DSCAML1: variants seen among roughly 807,000 people sequenced by gnomAD.
DSCAML1 encodes cell adhesion molecule DSCAML1.
Under a neutral mutation model 200.5 loss-of-function variants are expected in DSCAML1, and 38 were observed. That is an observed-to-expected ratio of 0.19 (90% CI 0.15 to 0.25). DSCAML1 has a LOEUF of 0.25. Ranked by LOEUF, DSCAML1 falls within the 10% of genes least tolerant of loss-of-function variation. DSCAML1 has a pLI of 1.00. For synonymous variants in DSCAML1, 1,215 were observed against 1,165.0 expected, an observed-to-expected ratio of 1.04 and a Z score of -0.87; for missense variants, 2,223 against 2,858.8, an observed-to-expected ratio of 0.78 and a Z score of 5.07.
At position 117,482,164 on chromosome 11, in the gene DSCAML1, TG is replaced by T. The variant is rs746889051; in HGVS notation, c.2360-3del. On this transcript the variant is annotated splice_polypyrimidine_tract_variant and splice_region_variant and intron_variant, in intron 11 of 32. Coordinates refer to ENST00000651296, the MANE Select transcript of DSCAML1 (RefSeq NM_020693.4). ...GGTGGGAAGTGATCATGGCCGGGAC[TG>T]GGGGGCGGAGGCAGAGAAGGCCCAG... 1.1e-5 allele frequency: 18 copies of T among 1,613,914 alleles called. No individual in the cohort carries two copies. Among genetic ancestry groups the T allele is most frequent in the Non-Finnish European group, 1.5e-5 (18 of 1,179,930 alleles).
Position 117,438,968 on chromosome 11 carries a change from G to T in DSCAML1, c.4160C>A (p.Pro1387His), listed in dbSNP as rs1263010236. Residue 1387 changes from proline (P) to histidine (H), a missense_variant, in exon 24 of 33, where the codon CCC (proline) becomes CAC (histidine). Physicochemically the swap from Pro to His is moderately conservative, Grantham distance 77. Transcript: ENST00000651296. ...NLLVQVPPDQ[P>H]RLTVSKTSAS... ...TGAGGTTTTGGAGACAGTGAGGCGG[G>T]GCTGGTCCGGGGGAACTGTGAGGGG... 6.2e-7 allele frequency: 1 copy of T among 1,606,824 alleles called. No homozygotes were observed. Among genetic ancestry groups the T allele is most frequent in the Non-Finnish European group, 8.5e-7 (1 of 1,177,530 alleles).
intron 2 of DSCAML1, among the ~76,000 whole-genome samples, chr11:117,779,171 T>C (rs955947258): frequency 6.6e-6 from 1 of 152,214 alleles, no homozygotes; most frequent in Non-Finnish European, 1.5e-5. Context: ...TGGTGTGACC[T>C]AGGCCTGGCA....
chr11:117,671,325 C>T (rs550160142), intron 3 of DSCAML1, among the ~76,000 whole-genome samples: 3 of 152,336 alleles, frequency 2.0e-5, no homozygotes, highest in Non-Finnish European at 2.9e-5. Flanking sequence ...TATTCTGGTA[C>T]CCTCAGTTAA....
intron 3 of DSCAML1, among the ~76,000 whole-genome samples, chr11:117,614,343 C>A (rs1435591042): frequency 6.6e-6 from 1 of 152,162 alleles, no homozygotes; most frequent in Non-Finnish European, 1.5e-5. Flanking sequence ...ATATACACCA[C>A]TGGTTCTTAA....
Position 117,780,189 on chromosome 11 carries a change from A to AAG in DSCAML1, c.364+302_364+303dup, listed in dbSNP as rs879776752. ...AAAGAAAGAAAAAAAGAAAAAAAGA[A>AAG]AGAAAGAAAGAGAAAGAAAGAGAGA... is the stretch of plus-strand genomic sequence containing the variant. On this transcript the variant is annotated intron_variant, in intron 2 of 32. Transcript: ENST00000651296. The surrounding 1 kb of genome is among the most constrained non-coding windows in gnomAD (Gnocchi z 4.8). Among the ~76,000 whole-genome samples, 3,742 of 96,056 alleles carry AAG rather than the reference A, an allele frequency of 0.039. 247 individuals carry two copies. Among genetic ancestry groups the AAG allele is most frequent in the Middle Eastern group, 0.052 (10 of 192 alleles). 63.0% of individuals were successfully genotyped at this position (96,056 alleles called of 152,430 possible).
At chr11:117,623,528 C>T (rs2051982592) in intron 3 of DSCAML1, among the ~76,000 whole-genome samples, 1 of 152,280 alleles carries the variant, frequency 6.6e-6, no homozygotes, top group Non-Finnish European at 1.5e-5. Flanking sequence ...ACATGCTAAA[C>T]TTGCAGTGGA....
At chr11:117,735,883 C>G (rs2054307896) in intron 3 of DSCAML1, among the ~76,000 whole-genome samples, 1 of 152,122 alleles carries the variant, frequency 6.6e-6, no homozygotes, top group East Asian at 1.9e-4. Flanking sequence ...AGGGAGGAGC[C>G]AGGAGACCCA....
intron 3 of DSCAML1, among the ~76,000 whole-genome samples, chr11:117,559,078 C>G (rs112793334): frequency 6.6e-6 from 1 of 151,876 alleles, no homozygotes; most frequent in Non-Finnish European, 1.5e-5. Context: ...GGACAACAGA[C>G]GTGGTGGTCT....
chr11:117,448,030 G>A (rs1186152675), intron 20 of DSCAML1, among the ~76,000 whole-genome samples: 1 of 152,154 alleles, frequency 6.6e-6, no homozygotes, highest in African/African-American at 2.4e-5. Flanking sequence ...CATCACATCA[G>A]CAGGACTTGT....
At chr11:117,779,283 T>C (rs535793578) in intron 2 of DSCAML1, among the ~76,000 whole-genome samples, 3 of 152,194 alleles carry the variant, frequency 2.0e-5, no homozygotes, top group South Asian at 2.1e-4. Flanking sequence ...CACCTTACCA[T>C]TGATTGTGAG....
At chr11:117,572,176 C>G (rs535230877) in intron 3 of DSCAML1, among the ~76,000 whole-genome samples, 41 of 152,320 alleles carry the variant, frequency 2.7e-4, no homozygotes, top group African/African-American at 9.4e-4. Flanking sequence ...TGAATTCTTT[C>G]TTGCACGAGA....
rs751935158 is a variant in DSCAML1 at position 117,428,555 on chromosome 11, G to T, written c.5935C>A (p.Pro1979Thr). The change falls in exon 33 of 33, where the codon CCC becomes ACC. Residue 1979 changes from proline to threonine, a missense_variant. By Grantham distance (38) the Pro-to-Thr change is conservative (BLOSUM62 -1). Around this residue, in one of 7 missense-constraint regions of DSCAML1, gnomAD observed 280 missense variants for 213.4 expected, o/e 1.31. Transcript: ENST00000651296. ...GCTGGGGGGGCTGTGCCGGCTGGGG[G>T]GGCTGGCATGGCCAGAGTCCTCTGA... ...LPQRTLAMPA[P>T]PAGTAPPAPG... 1.4e-5 allele frequency: 22 copies of T among 1,548,676 alleles called. No homozygotes were observed. The highest frequency in any genetic ancestry group is 4.8e-5 in the East Asian group (2 of 41,818).
At chr11:117,591,022 G>T (rs1055485847) in intron 3 of DSCAML1, among the ~76,000 whole-genome samples, 1 of 152,126 alleles carries the variant, frequency 6.6e-6, no homozygotes, top group African/African-American at 2.4e-5. Flanking sequence ...TGTGAAATAT[G>T]AGTGATGGGT....
At chr11:117,803,346 A>G (rs141512500) in intron 1 of DSCAML1, among the ~76,000 whole-genome samples, 2,863 of 152,226 alleles carry the variant, frequency 0.019, 38 homozygotes, top group Non-Finnish European at 0.029. Context: ...GAGCAGAAGT[A>G]ACGTAAAAAA....
chr11:117,797,204 C>G lies in DSCAML1; in HGVS notation c.-125G>C. ...CGCCCCGCTCTCTCTGCTCCTCAGC[C>G]CAGCGCTCGGCTGCGGCGGCGGCTC... On this transcript the variant is annotated 5_prime_UTR_variant, in exon 1 of 33. Transcript: ENST00000651296. The G allele has an allele frequency of 6.6e-7, 1 of 1,520,836 alleles. No individual in the cohort carries two copies. 94.2% of individuals were successfully genotyped at this position (1,520,836 alleles called of 1,614,324 possible).
chr11:117,794,723 G>A (rs181742063), intron 1 of DSCAML1, among the ~76,000 whole-genome samples: 8 of 151,804 alleles, frequency 5.3e-5, no homozygotes, highest in African/African-American at 1.5e-4. Flanking sequence ...TGCTGTCTCC[G>A]CATCACATCT....
rs1029132460 is a variant in DSCAML1, at chr11:117,516,255, G to C, written c.1783+212C>G. The stretch of plus-strand genomic sequence containing the variant: ...GTGCTGTCTTATTCTGCAGCCCGAG[G>C]AGGACCCCGGATGTAGAGGAGCTCA... On this transcript the variant is annotated intron_variant, in intron 8 of 32. Coordinates refer to ENST00000651296, the MANE Select transcript of DSCAML1 (RefSeq NM_020693.4). This position sits in a 1 kb window ranked among gnomAD's most constrained non-coding sequence, Gnocchi z 5.7. Among the ~76,000 whole-genome samples, 4 of 152,182 alleles carry C rather than the reference G, an allele frequency of 2.6e-5. No individual in the cohort carries two copies. Among genetic ancestry groups the C allele is most frequent in the African/African-American group, 9.7e-5 (4 of 41,428 alleles).
At chr11:117,527,520 T>C (rs1003258823) in intron 4 of DSCAML1, among the ~76,000 whole-genome samples, 1 of 152,206 alleles carries the variant, frequency 6.6e-6, no homozygotes, top group African/African-American at 2.4e-5. Context: ...GAAATCCACA[T>C]TGCAGAACTG....
rs989911054 is a variant in DSCAML1, at chr11:117,505,329, G to A, written c.2062+125C>T. 22 of 1,312,372 alleles carry A rather than the reference G, an allele frequency of 1.7e-5. No individual in the cohort carries two copies. The highest frequency in any genetic ancestry group is 2.3e-5 in the Non-Finnish European group (22 of 965,826). The allele number at this position is 1,312,372 out of a possible 1,614,324, so 81.3% of individuals were successfully genotyped here. On this transcript the variant is annotated intron_variant, in intron 9 of 32. Coordinates refer to ENST00000651296, the MANE Select transcript of DSCAML1 (RefSeq NM_020693.4). The surrounding 1 kb of genome is among the most constrained non-coding windows in gnomAD (Gnocchi z 6.7). ...AAAATAAGAGGTTTAGGCTCCAACA[G>A]GCCCTTCAAGATGCTGGAGCCCACC...
Sources: allele counts gnomAD v4.1 joint callset (sites outside exome capture counted in the v4.1 genomes callset), GRCh38; gene constraint gnomAD v4.1.1; regional missense constraint gnomAD v4.1.1; non-coding constraint Gnocchi (gnomAD v3.1); transcripts MANE v1.5; gene names NCBI Gene and HGNC (gene_info 2026-07-23, HGNC 2026-07-21).